Variants in RELN observed in about 807,000 individuals in gnomAD.
The protein encoded by RELN is reelin.
In RELN, 108 loss-of-function variants were observed where a neutral mutation model predicts 427.6. The ratio of observed to expected loss-of-function variants is 0.25; its 90% confidence interval spans 0.22 to 0.30. RELN has a LOEUF of 0.30. RELN is among the 10% of genes least tolerant of loss of function. The pLI, the probability that RELN is intolerant of heterozygous loss-of-function variation, is 1.00. For missense variants in RELN, 3,715 were observed against 4,302.8 expected (o/e 0.86, Z 3.82); for synonymous variants, 1,524 against 1,513.4 (o/e 1.01, Z -0.16).
intron 2 of RELN, among the ~76,000 whole-genome samples, chr7:103,894,927 A>G (rs1794926138): frequency 6.6e-6 from 1 of 152,156 alleles, no homozygotes; most frequent in African/African-American, 2.4e-5. Context: ...CCAAAATCAT[A>G]CACTTACCCT....
At chr7:103,736,292 CA>C (rs1432088944) in intron 6 of RELN, among the ~76,000 whole-genome samples, 1 of 152,124 alleles carries the variant, frequency 6.6e-6, no homozygotes, top group Non-Finnish European at 1.5e-5. Flanking sequence ...CACCTGTAAG[CA>C]ATTTACATGA....
At chr7:103,788,401 C>T (rs1792074080) in intron 3 of RELN, among the ~76,000 whole-genome samples, 1 of 152,174 alleles carries the variant, frequency 6.6e-6, no homozygotes, top group African/African-American at 2.4e-5. Context: ...ATCAAATTGT[C>T]TCTGTTTGCA....
At chr7:103,817,134 G>C (rs143028601) in intron 3 of RELN, among the ~76,000 whole-genome samples, 5 of 152,108 alleles carry the variant, frequency 3.3e-5, no homozygotes, top group African/African-American at 1.2e-4. Flanking sequence ...TTACAAGCAC[G>C]ACCCACCACG....
chr7:103,547,723 A>G (rs1450187798), intron 41 of RELN, among the ~76,000 whole-genome samples: 1 of 152,244 alleles, frequency 6.6e-6, no homozygotes. Flanking sequence ...CAGACTGCTG[A>G]GCTGAGGGAA....
At chr7:103,847,215 T>G (rs1387164953) in intron 2 of RELN, among the ~76,000 whole-genome samples, 2 of 152,168 alleles carry the variant, frequency 1.3e-5, no homozygotes, top group Non-Finnish European at 2.9e-5. Context: ...GTGGCACATA[T>G]ACACCTGGAA....
At chr7:103,556,876 C>T in intron 38 of RELN, 101 bp downstream of exon 38, 2 of 959,170 alleles carry the variant, frequency 2.1e-6, no homozygotes, top group South Asian at 1.3e-5. Flanking sequence ...CTGTGGACAG[C>T]TAAGCTGCTC....
chr7:103,828,761 C>T (rs1312149189), intron 3 of RELN, among the ~76,000 whole-genome samples: 1 of 151,880 alleles, frequency 6.6e-6, no homozygotes, highest in African/African-American at 2.4e-5. Flanking sequence ...TGGCACCTCT[C>T]ATTATTTGAA....
At chr7:103,644,047 GCTCAA>G (rs2117370806) in intron 16 of RELN, among the ~76,000 whole-genome samples, 1 of 151,878 alleles carries the variant, frequency 6.6e-6, no homozygotes, top group South Asian at 2.1e-4. Flanking sequence ...GCCACTGAAT[GCTCAA>G]GAACCAAGGC....
intron 8 of RELN, among the ~76,000 whole-genome samples, chr7:103,702,446 A>G (rs1834114015): frequency 6.6e-6 from 1 of 152,266 alleles, no homozygotes. Context: ...AATGATAACC[A>G]AAAATATTCC....
intron 11 of RELN, among the ~76,000 whole-genome samples, chr7:103,667,469 A>G (rs1833295693): frequency 6.6e-6 from 1 of 152,208 alleles, no homozygotes; most frequent in African/African-American, 2.4e-5. Flanking sequence ...TTATAAATAA[A>G]AACAATTGTT....
intron 1 of RELN, among the ~76,000 whole-genome samples, chr7:103,926,889 AC>A (rs199846106): frequency 9.6e-6 from 1 of 104,302 alleles, no homozygotes; most frequent in Non-Finnish European, 1.9e-5. Context: ...CTCGTGATCC[AC>A]CCCCTTGGCC....
chr7:103,942,256 G>A (rs372155915), intron 1 of RELN, among the ~76,000 whole-genome samples: 12 of 152,148 alleles, frequency 7.9e-5, no homozygotes, highest in South Asian at 4.1e-4. Context: ...TATTTATCCC[G>A]TCTAACTGGA....
At chr7:103,597,820 G>A (rs866503277) in intron 24 of RELN, among the ~76,000 whole-genome samples, 40 of 152,172 alleles carry the variant, frequency 2.6e-4, no homozygotes, top group Admixed American at 5.9e-4. Context: ...GTGGTGAGGT[G>A]TCAGACAGAA....
At chr7:103,678,925 G>A (rs1205859335) in intron 11 of RELN, among the ~76,000 whole-genome samples, 1 of 152,126 alleles carries the variant, frequency 6.6e-6, no homozygotes, top group Non-Finnish European at 1.5e-5. Context: ...GAAAGAAGGA[G>A]ACAAATATTC....
At position 103,519,428 on chromosome 7, in the gene RELN, G is replaced by C. The variant is rs202172902; in HGVS notation, c.7757C>G (p.Thr2586Arg). The change falls in exon 49 of 65, where the codon ACA (threonine) becomes AGA (arginine). Residue 2586 changes from threonine to arginine, a missense_variant. This residue lies in a region of RELN where 1,310 missense variants were observed against 1,643.0 expected (regional missense o/e 0.80). Coordinates refer to ENST00000428762, the MANE Select transcript of RELN (RefSeq NM_005045.4). ...QFYFMYGCLI[T>R]PNNRNQGVLL... ...AACACCTTGGTTACGGTTGTTTGGTGTAATCAGGCACCCATACATGAAGTA... is the reference window on the plus strand; with the variant it reads ...AACACCTTGGTTACGGTTGTTTGGTCTAATCAGGCACCCATACATGAAGTA... 6.2e-7 allele frequency: 1 copy of C among 1,613,384 alleles called. No homozygotes were observed. Among genetic ancestry groups the C allele is most frequent in the Admixed American group, 1.7e-5 (1 of 60,012 alleles).
intron 10 of RELN, among the ~76,000 whole-genome samples, chr7:103,694,512 C>CGAT (rs1562959852): frequency 1.5e-5 from 2 of 136,886 alleles, no homozygotes; most frequent in African/African-American, 2.9e-5. Flanking sequence ...ATGGCGACGA[C>CGAT]GATGATGATG....
intron 3 of RELN, among the ~76,000 whole-genome samples, chr7:103,814,447 T>A (rs540581808): frequency 6.6e-6 from 1 of 152,190 alleles, no homozygotes; most frequent in Non-Finnish European, 1.5e-5. Flanking sequence ...TTGGAAAGAA[T>A]ATAGTTATCT....
chr7:103,633,211 T>A (rs918281300), intron 19 of RELN, among the ~76,000 whole-genome samples: 1 of 152,126 alleles, frequency 6.6e-6, no homozygotes, highest in Non-Finnish European at 1.5e-5. Context: ...CACTTCATTT[T>A]TGAACAACAA....
At chr7:103,685,614 ATATAAT>A (rs1286140016) in intron 10 of RELN, among the ~76,000 whole-genome samples, 2 of 152,094 alleles carry the variant, frequency 1.3e-5, no homozygotes, top group Non-Finnish European at 2.9e-5. Flanking sequence ...GTACATTATT[ATATAAT>A]TATAATTGTT....
Sources: allele counts gnomAD v4.1 joint callset (sites outside exome capture counted in the v4.1 genomes callset), GRCh38; gene constraint gnomAD v4.1.1; regional missense constraint gnomAD v4.1.1; transcripts MANE v1.5; gene names NCBI Gene and HGNC (gene_info 2026-07-23, HGNC 2026-07-21).